The following ENTREP2 variants were observed in gnomAD, a reference collection of about 807,000 sequenced individuals.
The protein encoded by ENTREP2 is protein ENTREP2.
the ENTREP2 span, among the ~76,000 whole-genome samples, chr15:29,352,380 C>T: frequency 2.0e-5 from 3 of 152,160 alleles, no homozygotes; most frequent in Admixed American, 6.5e-5. Flanking sequence ...TTATTAATAG[C>T]CACAAGCACA....
chr15:29,180,846 C>T, the ENTREP2 span, among the ~76,000 whole-genome samples: 4 of 151,662 alleles, frequency 2.6e-5, no homozygotes, highest in African/African-American at 7.3e-5. Context: ...CAAAACTTAG[C>T]GTATGCAGTT....
At chr15:29,233,697 C>T in the ENTREP2 span, 1 of 1,209,262 alleles carries the variant, frequency 8.3e-7, no homozygotes, top group Non-Finnish European at 1.2e-6. Flanking sequence ...CTGTTGCACG[C>T]ACTCTGTTGC....
At chr15:29,651,390 T>C in the ENTREP2 span, among the ~76,000 whole-genome samples, 2 of 152,258 alleles carry the variant, frequency 1.3e-5, no homozygotes, top group South Asian at 2.1e-4. Flanking sequence ...GAAAGGATCC[T>C]AGGAAGGTGA....
the ENTREP2 span, among the ~76,000 whole-genome samples, chr15:29,556,358 A>G: frequency 1.3e-5 from 2 of 152,148 alleles, no homozygotes; most frequent in South Asian, 2.1e-4. Flanking sequence ...TGGAAACAGC[A>G]ATAAGAGTCA....
chr15:29,348,454 G>A, the ENTREP2 span, among the ~76,000 whole-genome samples: 1 of 152,150 alleles, frequency 6.6e-6, no homozygotes, highest in Non-Finnish European at 1.5e-5. Context: ...GGAGCAGTGT[G>A]GAGGCGTGTG....
At chr15:29,310,031 C>T in the ENTREP2 span, among the ~76,000 whole-genome samples, 1 of 152,228 alleles carries the variant, frequency 6.6e-6, no homozygotes, top group African/African-American at 2.4e-5. Flanking sequence ...TCTCCTGATT[C>T]TTCATGAGAT....
the ENTREP2 span, among the ~76,000 whole-genome samples, chr15:29,454,056 A>C: frequency 6.6e-6 from 1 of 152,156 alleles, no homozygotes; most frequent in Non-Finnish European, 1.5e-5. Flanking sequence ...AGGTTCCATC[A>C]CTTGACATTT....
the ENTREP2 span, among the ~76,000 whole-genome samples, chr15:29,217,870 G>A: frequency 1.3e-5 from 2 of 152,122 alleles, no homozygotes; most frequent in South Asian, 4.1e-4. Flanking sequence ...TCTCATTTGG[G>A]TAGGCTCTGT....
chr15:29,620,130 T>TGTGACACAAA, the ENTREP2 span, among the ~76,000 whole-genome samples: 1 of 152,116 alleles, frequency 6.6e-6, no homozygotes, highest in Non-Finnish European at 1.5e-5. Context: ...CCTGGTCAGC[T>TGTGACACAAA]GTGAGGAAGG....
At chr15:29,377,865 A>AATAATAATAAT in the ENTREP2 span, among the ~76,000 whole-genome samples, 2,380 of 55,438 alleles carry the variant, frequency 0.043, 37 homozygotes, top group Middle Eastern at 0.057. Flanking sequence ...ATAATAATAA[A>AATAATAATAAT]AAAATGAGCC....
At chr15:29,570,370 G>C in the ENTREP2 span, 1 of 451,804 alleles carries the variant, frequency 2.2e-6, no homozygotes, top group Non-Finnish European at 3.5e-6. Flanking sequence ...ACTGCGCCCC[G>C]CGCTGCAGCT....
At chr15:29,508,551 C>T in the ENTREP2 span, among the ~76,000 whole-genome samples, 1 of 152,166 alleles carries the variant, frequency 6.6e-6, no homozygotes, top group African/African-American at 2.4e-5. Context: ...TTATCCACCA[C>T]AATCAAGTCG....
chr15:29,225,018 C>T, the ENTREP2 span, among the ~76,000 whole-genome samples: 4 of 152,314 alleles, frequency 2.6e-5, no homozygotes, highest in South Asian at 2.1e-4. Context: ...CTGCCCGGGC[C>T]GGCGGGCTGG....
chr15:29,187,465 GAAGTT>G, the ENTREP2 span, among the ~76,000 whole-genome samples: 4 of 152,180 alleles, frequency 2.6e-5, no homozygotes, highest in African/African-American at 9.6e-5. Context: ...TAGTAGAGAT[GAAGTT>G]TCATCATTTT....
At chr15:29,132,572 G>A in the ENTREP2 span, among the ~76,000 whole-genome samples, 2 of 152,354 alleles carry the variant, frequency 1.3e-5, no homozygotes, top group Admixed American at 6.5e-5. Flanking sequence ...TGTTCTCACC[G>A]CAGTTCTGAG....
At chr15:29,218,120 G>A in the ENTREP2 span, among the ~76,000 whole-genome samples, 5 of 152,292 alleles carry the variant, frequency 3.3e-5, no homozygotes, top group East Asian at 1.9e-4. Flanking sequence ...GTCTCTCAGC[G>A]TGGATATCAG....
chr15:29,170,177 G>A, the ENTREP2 span, among the ~76,000 whole-genome samples: 2 of 151,582 alleles, frequency 1.3e-5, no homozygotes, highest in African/African-American at 2.4e-5. Flanking sequence ...GCGTGGTGGC[G>A]GGTGCTTGTA....
At chr15:29,503,069 G>A in the ENTREP2 span, among the ~76,000 whole-genome samples, 152 of 152,214 alleles carry the variant, frequency 1.0e-3, 1 homozygote, top group African/African-American at 3.5e-3. Flanking sequence ...CTGAATTACC[G>A]TGTGACTCTG....
At chr15:29,239,012 A>G in the ENTREP2 span, among the ~76,000 whole-genome samples, 3 of 152,184 alleles carry the variant, frequency 2.0e-5, no homozygotes, top group East Asian at 5.8e-4. Context: ...CATGTCAATA[A>G]AGAGATATAA....
Sources: allele counts gnomAD v4.1 joint callset (sites outside exome capture counted in the v4.1 genomes callset), GRCh38; gene constraint gnomAD v4.1.1; transcripts MANE v1.5; gene names NCBI Gene and HGNC (gene_info 2026-07-23, HGNC 2026-07-21).